The following TMEM132D variants were observed in gnomAD, a reference collection of about 807,000 sequenced individuals.
The protein encoded by TMEM132D is transmembrane protein 132D.
A neutral mutation model predicts 62.3 loss-of-function variants in TMEM132D; 21 were observed. The observed-to-expected ratio is 0.34, with a 90% CI of 0.24 to 0.49. TMEM132D has a LOEUF of 0.49. Among genes scored for constraint, TMEM132D ranks in the 20% least tolerant of loss-of-function variants. TMEM132D has a pLI of 0.99. For synonymous variants in TMEM132D, 621 were observed against 575.6 expected (o/e 1.08, Z -1.13); for missense variants, 1,346 against 1,402.8 (o/e 0.96, Z 0.65).
At chr12:129,765,527 T>C (rs555910493) in intron 1 of TMEM132D, among the ~76,000 whole-genome samples, 2 of 149,588 alleles carry the variant, frequency 1.3e-5, no homozygotes, top group South Asian at 2.1e-4. Context: ...TATTGCGCCA[T>C]CGCATTCCAG....
At chr12:129,677,470 G>T (rs1880658845) in intron 2 of TMEM132D, among the ~76,000 whole-genome samples, 1 of 152,302 alleles carries the variant, frequency 6.6e-6, no homozygotes, top group African/African-American at 2.4e-5. Context: ...CATGAGAACA[G>T]ACTGATACAA....
chr12:129,351,115 A>G (rs1482371806), intron 3 of TMEM132D, among the ~76,000 whole-genome samples: 1 of 152,088 alleles, frequency 6.6e-6, no homozygotes, highest in African/African-American at 2.4e-5. Flanking sequence ...ATGGATGACT[A>G]CCCTTCTCTT....
intron 1 of TMEM132D, among the ~76,000 whole-genome samples, chr12:129,780,251 C>T (rs901946760): frequency 5.9e-5 from 9 of 151,604 alleles, no homozygotes; most frequent in Non-Finnish European, 1.3e-4. Flanking sequence ...ACAGCGTTGA[C>T]CCTCCCCCTC....
At chr12:129,140,709 G>A (rs543981994) in intron 5 of TMEM132D, among the ~76,000 whole-genome samples, 107 of 152,100 alleles carry the variant, frequency 7.0e-4, no homozygotes, top group Non-Finnish European at 1.4e-3. Flanking sequence ...CATGGTGGAA[G>A]GTGCTTGTAA....
chr12:129,372,684 T>A (rs1870651628), intron 3 of TMEM132D, among the ~76,000 whole-genome samples: 1 of 151,946 alleles, frequency 6.6e-6, no homozygotes, highest in African/African-American at 2.4e-5. Flanking sequence ...CTAGGTTGTG[T>A]GCTCCTTATG....
intron 4 of TMEM132D, among the ~76,000 whole-genome samples, chr12:129,278,071 T>A (rs1566019957): frequency 6.6e-6 from 1 of 152,174 alleles, no homozygotes; most frequent in Non-Finnish European, 1.5e-5. Context: ...ACAGACCTCG[T>A]CTTCAGCCAG....
intron 3 of TMEM132D, among the ~76,000 whole-genome samples, chr12:129,367,583 C>A (rs1870457613): frequency 6.6e-6 from 1 of 152,068 alleles, no homozygotes; most frequent in Admixed American, 6.5e-5. Flanking sequence ...TGACGGGCTG[C>A]AAGGTCAAAT....
intron 1 of TMEM132D, among the ~76,000 whole-genome samples, chr12:129,808,686 A>G (rs981994412): frequency 1.3e-5 from 2 of 152,228 alleles, no homozygotes; most frequent in African/African-American, 4.8e-5. Context: ...AAACCAAGAA[A>G]AAGTCCAGAT....
chr12:129,526,750 TAA>T (rs921276315), intron 3 of TMEM132D, among the ~76,000 whole-genome samples: 13 of 152,228 alleles, frequency 8.5e-5, no homozygotes, highest in Non-Finnish European at 1.5e-4. Flanking sequence ...GAAGGTTGCC[TAA>T]AAAGAGTCAA....
chr12:129,546,465 TC>T (rs1876739035), intron 2 of TMEM132D, among the ~76,000 whole-genome samples: 1 of 152,094 alleles, frequency 6.6e-6, no homozygotes, highest in African/African-American at 2.4e-5. Flanking sequence ...ACCTGCATTC[TC>T]CTTTAGAGCA....
intron 3 of TMEM132D, among the ~76,000 whole-genome samples, chr12:129,399,882 T>C (rs913200118): frequency 8.0e-5 from 12 of 149,980 alleles, no homozygotes; most frequent in East Asian, 1.9e-4. Flanking sequence ...TGTGTGTGCG[T>C]GTGTGTGTGT....
chr12:129,166,567 A>C (rs1256128560), intron 5 of TMEM132D, among the ~76,000 whole-genome samples: 2 of 152,084 alleles, frequency 1.3e-5, no homozygotes, highest in Non-Finnish European at 2.9e-5. Context: ...GTGATTACTA[A>C]AACACAGAAA....
At chr12:129,678,640 G>A (rs1441545760) in intron 2 of TMEM132D, among the ~76,000 whole-genome samples, 1 of 152,036 alleles carries the variant, frequency 6.6e-6, no homozygotes, top group Admixed American at 6.5e-5. Context: ...TAAAAATGTA[G>A]TCAAATTTAT....
At chr12:129,849,884 C>T (rs994087369) in intron 1 of TMEM132D, among the ~76,000 whole-genome samples, 1 of 152,146 alleles carries the variant, frequency 6.6e-6, no homozygotes, top group Admixed American at 6.5e-5. Context: ...CTGCGTGACC[C>T]CTGAATATAC....
chr12:129,546,373 AT>A (rs753983561), intron 2 of TMEM132D, among the ~76,000 whole-genome samples: 5 of 152,158 alleles, frequency 3.3e-5, no homozygotes, highest in East Asian at 3.9e-4. Context: ...CTGCGTGTGT[AT>A]ATTATTCATA....
Position 129,092,385 on chromosome 12 carries a change from A to G in TMEM132D, c.1444-7683T>C, listed in dbSNP as rs1874955422. Reference sequence around the variant, plus strand: ...TTTTCCCCTCAAACTTTGCAGAAGTAGACATCCTACAGGAATGCTTGCATC... The same window carrying G: ...TTTTCCCCTCAAACTTTGCAGAAGTGGACATCCTACAGGAATGCTTGCATC... On this transcript the variant is annotated intron_variant, in intron 5 of 8. Transcript: ENST00000422113. Among the ~76,000 whole-genome samples, 9 of 149,508 alleles carry G rather than the reference A, an allele frequency of 6.0e-5. No individual in the cohort carries two copies. In the South Asian group the frequency reaches 1.9e-3, roughly 31 times the overall value.
At chr12:129,167,169 A>G (rs1877588266) in intron 5 of TMEM132D, among the ~76,000 whole-genome samples, 1 of 50,942 alleles carries the variant, frequency 2.0e-5, no homozygotes, top group Non-Finnish European at 3.2e-5. Context: ...AAAAAAAAAA[A>G]ACAAAAAAAA....
chr12:129,660,859 CTCAAATAGACACACAGTGG>C (rs1457006232), intron 2 of TMEM132D, among the ~76,000 whole-genome samples: 2 of 152,256 alleles, frequency 1.3e-5, no homozygotes, highest in African/African-American at 4.8e-5. Flanking sequence ...CTCTCATGTT[CTCAAATAGACACACAGTGG>C]TCAGAGCCTC....
At position 129,668,640 on chromosome 12, in the gene TMEM132D, T is replaced by C. The variant is rs369406396; in HGVS notation, c.968+31170A>G. Among the ~76,000 whole-genome samples the C allele has an allele frequency of 1.1e-4, 17 of 152,316 alleles. No individual in the cohort carries two copies. The East Asian group carries it at 1.5e-3, about 14-fold the overall frequency. On this transcript the variant is annotated intron_variant, in intron 2 of 8. Coordinates refer to ENST00000422113, the MANE Select transcript of TMEM132D (RefSeq NM_133448.3). The stretch of plus-strand genomic sequence containing the variant: ...CAACTTTTAACAAGTGAGTAAAATA[T>C]ACCCCTGTGAACAAAATTTGAAGCA...
Sources: gnomAD v4.1 joint callset for allele counts (sites outside exome capture counted in the v4.1 genomes callset) on GRCh38, gnomAD v4.1.1 for gene constraint, MANE v1.5 for transcripts, NCBI Gene and HGNC (gene_info 2026-07-23, HGNC 2026-07-21) for gene names.